The following TMPRSS15 variants were observed in gnomAD, a reference collection of about 807,000 sequenced individuals.
The protein encoded by TMPRSS15 is transmembrane serine protease 15, also known as enteropeptidase.
In TMPRSS15, 128 loss-of-function variants were observed where a neutral mutation model predicts 125.3. That is an observed-to-expected ratio of 1.02 (90% CI 0.89 to 1.18). TMPRSS15 has a LOEUF of 1.18. Ranked by LOEUF, TMPRSS15 falls within the 50% of genes most tolerant of loss-of-function variation. The pLI, the probability that TMPRSS15 is intolerant of heterozygous loss-of-function variation, is 0.00. For synonymous variants in TMPRSS15, 446 were observed against 423.2 expected, an observed-to-expected ratio of 1.05 and a Z score of -0.66; for missense variants, 1,283 against 1,212.7, an observed-to-expected ratio of 1.06 and a Z score of -0.86.
intron 1 of TMPRSS15, among the ~76,000 whole-genome samples, chr21:18,440,423 C>A: frequency 1.4e-5 from 2 of 143,176 alleles, no homozygotes; most frequent in African/African-American, 2.6e-5. Context: ...TCATTGGCAT[C>A]AATATAAAGA....
chr21:18,382,628 A>G, intron 4 of TMPRSS15, among the ~76,000 whole-genome samples: 1 of 152,340 alleles, frequency 6.6e-6, no homozygotes, highest in Admixed American at 6.5e-5. Flanking sequence ...AACTAATTAA[A>G]TAGTTAGGCT....
At chr21:18,347,084 G>T (rs1252995244) in intron 10 of TMPRSS15, among the ~76,000 whole-genome samples, 7 of 150,862 alleles carry the variant, frequency 4.6e-5, no homozygotes, top group Non-Finnish European at 8.8e-5. Flanking sequence ...CCTTCCAATT[G>T]TACCTTGTTA....
intron 1 of TMPRSS15, among the ~76,000 whole-genome samples, chr21:18,399,536 TA>T (rs2123130829): frequency 6.6e-6 from 1 of 152,230 alleles, no homozygotes; most frequent in Admixed American, 6.5e-5. Context: ...TAAAGGAGAC[TA>T]AGGAAGCGTA....
At chr21:18,472,221 A>G (rs1346966611) in intron 1 of TMPRSS15, among the ~76,000 whole-genome samples, 1 of 152,030 alleles carries the variant, frequency 6.6e-6, no homozygotes, top group Non-Finnish European at 1.5e-5. Context: ...ATCACTAAAA[A>G]GAAATTTTTT....
At chr21:18,371,579 A>G (rs1007077016) in intron 6 of TMPRSS15, among the ~76,000 whole-genome samples, 9 of 152,220 alleles carry the variant, frequency 5.9e-5, no homozygotes, top group Non-Finnish European at 1.0e-4. Context: ...TGTTATTGTC[A>G]TTAACACTCA....
In TMPRSS15 at chr21:18,314,364, C is replaced by T. The variant is rs148825570; in HGVS notation, c.2032+782G>A. Among the ~76,000 whole-genome samples the T allele has an allele frequency of 1.9e-3, 294 of 152,220 alleles. 1 individual carries two copies. Among genetic ancestry groups the T allele is most frequent in the South Asian group, 4.3e-3 (21 of 4,832 alleles). On this transcript the variant is annotated intron_variant, in intron 17 of 24. Coordinates refer to ENST00000284885, the MANE Select transcript of TMPRSS15 (RefSeq NM_002772.3). ...CATGATCTGGGCTCACTGCAACCTC[C>T]GCCTCCCAGGTTCAAGCGATTCTCC... is the stretch of plus-strand genomic sequence containing the variant.
At chr21:18,445,252 T>G (rs970604732) in intron 1 of TMPRSS15, among the ~76,000 whole-genome samples, 1 of 151,094 alleles carries the variant, frequency 6.6e-6, no homozygotes, top group African/African-American at 2.4e-5. Context: ...TTGCCCAGAC[T>G]GGAGTGCAAC....
intron 1 of TMPRSS15, among the ~76,000 whole-genome samples, chr21:18,482,787 C>A (rs1176845603): frequency 6.6e-6 from 1 of 151,574 alleles, no homozygotes; most frequent in African/African-American, 2.4e-5. Flanking sequence ...TCTAGGAAAT[C>A]TCAATTCAAC....
intron 11 of TMPRSS15, 63 bp downstream of exon 11, chr21:18,343,892 G>T: frequency 6.9e-7 from 1 of 1,440,392 alleles, no homozygotes; most frequent in Non-Finnish European, 9.8e-7. Context: ...GAGCCTGGTG[G>T]CCTGAGCAAG....
intron 1 of TMPRSS15, among the ~76,000 whole-genome samples, chr21:18,448,926 G>A (rs905808993): frequency 1.3e-5 from 2 of 152,004 alleles, no homozygotes; most frequent in African/African-American, 2.4e-5. Context: ...ATAAAGTCTA[G>A]TATATCTTTT....
chr21:18,297,858 C>A (rs1555893608), intron 18 of TMPRSS15, 29 bp from the exon 19 acceptor site: 3 of 1,516,758 alleles, frequency 2.0e-6, no homozygotes, highest in Non-Finnish European at 2.7e-6. Context: ...AGCATACAGA[C>A]AAAACAAAAG....
rs1427625095 is a variant in TMPRSS15 at position 18,314,513 on chromosome 21, G to C, written c.2032+633C>G. Among the ~76,000 whole-genome samples the C allele has an allele frequency of 8.5e-5, 13 of 152,064 alleles. 1 individual carries two copies. The highest frequency in any genetic ancestry group is 8.5e-4 in the Admixed American group (13 of 15,260). On this transcript the variant is annotated intron_variant, in intron 17 of 24. Coordinates refer to ENST00000284885, the MANE Select transcript of TMPRSS15 (RefSeq NM_002772.3). ...GGCTGGTCATGAACTCCTGACCTCA[G>C]ATGATCTGCCCACCTCGGCCTCCCA...
chr21:18,363,564 TAC>T (rs10531849), intron 7 of TMPRSS15, among the ~76,000 whole-genome samples: 83,104 of 151,648 alleles, frequency 0.55, 23,100 homozygotes, highest in East Asian at 0.86. Flanking sequence ...GCAGATTAGT[TAC>T]AGTCTTTCCA....
chr21:18,471,698 A>G (rs1463504602), intron 1 of TMPRSS15, among the ~76,000 whole-genome samples: 3 of 152,174 alleles, frequency 2.0e-5, no homozygotes, highest in African/African-American at 7.2e-5. Context: ...AAATGGCAAA[A>G]TCACTTGGAG....
intron 3 of TMPRSS15, among the ~76,000 whole-genome samples, chr21:18,394,580 A>T (rs899853664): frequency 6.6e-6 from 1 of 151,778 alleles, no homozygotes; most frequent in African/African-American, 2.4e-5. Flanking sequence ...TCACATACAC[A>T]CAAACACACA....
At chr21:18,472,128 A>G (rs1475385064) in intron 1 of TMPRSS15, among the ~76,000 whole-genome samples, 1 of 151,978 alleles carries the variant, frequency 6.6e-6, no homozygotes, top group African/African-American at 2.4e-5. Flanking sequence ...TGGAAAGTTT[A>G]GGTTATATAA....
At position 18,281,234 on chromosome 21, in the gene TMPRSS15, A is replaced by G. The variant is rs200321859; in HGVS notation, c.2487-13T>C. The G allele has an allele frequency of 1.2e-6, 2 of 1,611,320 alleles. No individual in the cohort carries two copies. Among genetic ancestry groups the G allele is most frequent in the East Asian group, 2.2e-5 (1 of 44,836 alleles). ...CTCTAAGTTTCTCCTGAAAATTGTA[A>G]TGAAGAAATATGAGACACTCTCCAT... is the stretch of plus-strand genomic sequence containing the variant. On this transcript the variant is annotated splice_polypyrimidine_tract_variant and intron_variant, in intron 21 of 24. Transcript: ENST00000284885.
chr21:18,307,907 C>G (rs2075054054), intron 18 of TMPRSS15, among the ~76,000 whole-genome samples: 1 of 152,164 alleles, frequency 6.6e-6, no homozygotes, highest in Admixed American at 6.5e-5. Flanking sequence ...TCACAAACCA[C>G]AATAGAAAGA....
At position 18,294,798 on chromosome 21, in the gene TMPRSS15, C is replaced by A. The variant is rs1413111025; in HGVS notation, c.2262-146G>T. 1.3e-5 allele frequency: 9 copies of A among 717,804 alleles called. 1 individual carries two copies. The highest frequency in any genetic ancestry group is 9.6e-5 in the Admixed American group (4 of 41,520). The allele number at this position is 717,804 out of a possible 1,614,324, so 44.5% of individuals were successfully genotyped here. ...AATGTAGGGAGACTGAATTGTAAGC[C>A]GAAGAAGCCCCAGTTTAATGTCAAA... On this transcript the variant is annotated intron_variant, in intron 19 of 24. Coordinates refer to ENST00000284885, the MANE Select transcript of TMPRSS15 (RefSeq NM_002772.3).
Sources: gnomAD v4.1 joint callset for allele counts (sites outside exome capture counted in the v4.1 genomes callset) on GRCh38, gnomAD v4.1.1 for gene constraint, MANE v1.5 for transcripts, NCBI Gene and HGNC (gene_info 2026-07-23, HGNC 2026-07-21) for gene names.